Variants in ADAMTSL1 observed in about 807,000 individuals in gnomAD.
ADAMTSL1 encodes the protein ADAMTS like 1.
Under a neutral mutation model 201.8 loss-of-function variants are expected in ADAMTSL1, and 126 were observed. That is an observed-to-expected ratio of 0.62 (90% CI 0.54 to 0.72). The LOEUF is 0.72. Ranked by LOEUF, ADAMTSL1 falls within the 30% of genes least tolerant of loss-of-function variation. The pLI, the probability that ADAMTSL1 is intolerant of heterozygous loss-of-function variation, is 0.00. For missense variants in ADAMTSL1, 2,679 were observed against 2,277.8 expected (o/e 1.18, Z -3.59); for synonymous variants, 1,121 against 903.4 (o/e 1.24, Z -4.32).
intron 4 of ADAMTSL1, among the ~76,000 whole-genome samples, chr9:18,616,250 C>T (rs137936524): frequency 0.1 from 15,497 of 152,186 alleles, 881 homozygotes; most frequent in Middle Eastern, 0.18. Flanking sequence ...GTCTCAAACT[C>T]GTGGCCTCAA....
chr9:18,571,246 G>T (rs1382485130), intron 3 of ADAMTSL1, among the ~76,000 whole-genome samples: 1 of 152,190 alleles, frequency 6.6e-6, no homozygotes, highest in African/African-American at 2.4e-5. Context: ...ATTTTCCCTG[G>T]TTCATATTAA....
At chr9:18,653,334 A>G (rs1828415107) in intron 7 of ADAMTSL1, among the ~76,000 whole-genome samples, 1 of 152,188 alleles carries the variant, frequency 6.6e-6, no homozygotes, top group South Asian at 2.1e-4. Context: ...CAGGAAGGCT[A>G]CAGTCTGCTT....
intron 2 of ADAMTSL1, among the ~76,000 whole-genome samples, chr9:18,337,995 G>A (rs1035655305): frequency 6.6e-6 from 1 of 152,114 alleles, no homozygotes; most frequent in African/African-American, 2.4e-5. Flanking sequence ...TGGGGCAAAA[G>A]ATGAAGGGGT....
At chr9:18,581,659 C>G (rs1367331765) in intron 4 of ADAMTSL1, among the ~76,000 whole-genome samples, 1 of 151,938 alleles carries the variant, frequency 6.6e-6, no homozygotes, top group Non-Finnish European at 1.5e-5. Flanking sequence ...AATAAGTTAT[C>G]TGCTTCCAAA....
intron 1 of ADAMTSL1, among the ~76,000 whole-genome samples, chr9:18,039,699 A>C (rs1489189151): frequency 6.6e-6 from 1 of 152,214 alleles, no homozygotes; most frequent in African/African-American, 2.4e-5. Flanking sequence ...ACGTAGATAC[A>C]GAGGCAAAAA....
chr9:18,322,297 A>G (rs1381081035), intron 2 of ADAMTSL1, among the ~76,000 whole-genome samples: 1 of 152,208 alleles, frequency 6.6e-6, no homozygotes, highest in Non-Finnish European at 1.5e-5. Context: ...AAATTAAGTT[A>G]AAGTCCAAAC....
intron 9 of ADAMTSL1, among the ~76,000 whole-genome samples, chr9:18,672,803 G>A (rs891982376): frequency 6.6e-6 from 1 of 152,174 alleles, no homozygotes; most frequent in African/African-American, 2.4e-5. Flanking sequence ...AATTCAGTAA[G>A]ACATGTATTT....
chr9:18,724,476 G>T (rs900026117), intron 15 of ADAMTSL1, among the ~76,000 whole-genome samples: 4 of 152,214 alleles, frequency 2.6e-5, no homozygotes, highest in African/African-American at 4.8e-5. Context: ...ACAATAGGAA[G>T]ATGTCTTCTC....
At chr9:18,581,947 C>G (rs1392878165) in intron 4 of ADAMTSL1, among the ~76,000 whole-genome samples, 1 of 152,196 alleles carries the variant, frequency 6.6e-6, no homozygotes, top group East Asian at 1.9e-4. Context: ...TCACTTTGTC[C>G]CATCTCTGAG....
At chr9:18,393,385 T>C (rs1838132086) in intron 2 of ADAMTSL1, among the ~76,000 whole-genome samples, 1 of 152,166 alleles carries the variant, frequency 6.6e-6, no homozygotes, top group Non-Finnish European at 1.5e-5. Flanking sequence ...GGGAAGGTAA[T>C]GACTCACCAT....
chr9:18,376,697 C>G (rs1837311167), intron 2 of ADAMTSL1, among the ~76,000 whole-genome samples: 1 of 151,950 alleles, frequency 6.6e-6, no homozygotes, highest in African/African-American at 2.4e-5. Context: ...TCCCAACTAC[C>G]TGGGAGGCTG....
At chr9:18,386,831 T>C (rs527928013) in intron 2 of ADAMTSL1, among the ~76,000 whole-genome samples, 4 of 152,278 alleles carry the variant, frequency 2.6e-5, no homozygotes, top group African/African-American at 9.6e-5. Flanking sequence ...TTCTCACTTA[T>C]TTTTGAGAAA....
At chr9:18,762,872 G>A (rs897373063) in intron 16 of ADAMTSL1, among the ~76,000 whole-genome samples, 2 of 152,110 alleles carry the variant, frequency 1.3e-5, no homozygotes, top group African/African-American at 4.8e-5. Flanking sequence ...TTGTGTATGT[G>A]TACCACATTT....
intron 1 of ADAMTSL1, among the ~76,000 whole-genome samples, chr9:18,005,359 T>C (rs1485268977): frequency 6.6e-6 from 1 of 152,062 alleles, no homozygotes; most frequent in Non-Finnish European, 1.5e-5. Context: ...ATGGCCTTTA[T>C]TGAGCACCTA....
At chr9:17,982,247 A>G (rs1392062252) in intron 1 of ADAMTSL1, among the ~76,000 whole-genome samples, 18 of 152,174 alleles carry the variant, frequency 1.2e-4, no homozygotes, top group Non-Finnish European at 2.5e-4. Flanking sequence ...ATAGCATTCA[A>G]TCAAATATCA....
intron 2 of ADAMTSL1, among the ~76,000 whole-genome samples, chr9:18,179,517 T>C (rs1828353297): frequency 6.6e-6 from 1 of 151,804 alleles, no homozygotes; most frequent in Non-Finnish European, 1.5e-5. Flanking sequence ...ATTCAGAAAA[T>C]ACAGAGAACA....
chr9:18,889,532 A>G (rs1346582132), intron 24 of ADAMTSL1, 36 bp from the exon 25 acceptor site: 31 of 1,606,416 alleles, frequency 1.9e-5, no homozygotes, highest in African/African-American at 2.7e-5. Context: ...CAATTATGCT[A>G]TATTCTTTTC....
In ADAMTSL1 at chr9:18,770,656, C is replaced by T. The variant is rs554272440; in HGVS notation, c.2272C>T (p.Arg758Cys). The T allele has an allele frequency of 7.2e-5, 116 of 1,613,532 alleles. No homozygotes were observed. The highest frequency in any genetic ancestry group is 6.2e-4 in the Admixed American group (37 of 59,958). ...VQKREVLCKQRMADGSFLELP... is the reference protein window; with the variant it reads ...VQKREVLCKQCMADGSFLELP... ...GAAACGTGAGGTTCTTTGCAAGCAGCGCATGGCTGATGGCAGCTTCCTGGA... is the reference window on the plus strand; with the variant it reads ...GAAACGTGAGGTTCTTTGCAAGCAGTGCATGGCTGATGGCAGCTTCCTGGA... The change falls in exon 17 of 29, where the codon CGC becomes TGC. Residue 758 changes from arginine (R) to cysteine (C), a missense_variant. Arg to Cys is a radical substitution (Grantham distance 180, BLOSUM62 -3). Transcript: ENST00000380548.
chr9:18,489,476 G>A (rs577160495), intron 1 of ADAMTSL1, among the ~76,000 whole-genome samples: 7 of 152,194 alleles, frequency 4.6e-5, no homozygotes, highest in South Asian at 2.1e-4. Flanking sequence ...AGGATGTCGC[G>A]TAATCTGAAG....
Sources: gnomAD v4.1 joint callset for allele counts (sites outside exome capture counted in the v4.1 genomes callset) on GRCh38, gnomAD v4.1.1 for gene constraint, MANE v1.5 for transcripts, NCBI Gene and HGNC (gene_info 2026-07-23, HGNC 2026-07-21) for gene names.